WDR93: variants seen among roughly 807,000 people sequenced by gnomAD.
The protein encoded by WDR93 is WD repeat domain 93.
A neutral mutation model predicts 82.9 loss-of-function variants in WDR93; 73 were observed. The ratio of observed to expected loss-of-function variants is 0.88; its 90% CI spans 0.73 to 1.07. The LOEUF (loss-of-function observed/expected upper bound fraction) is 1.07, where lower values mean the gene tolerates loss of function less well. WDR93 is among the 50% of genes least tolerant of loss of function. The probability of loss-of-function intolerance (pLI) is 0.00; values close to 1 mark genes in which losing one functional copy is unlikely to be tolerated. For missense variants in WDR93, 738 were observed against 826.0 expected, an observed-to-expected ratio of 0.89 and a Z score of 1.31; for synonymous variants, 283 against 300.1, an observed-to-expected ratio of 0.94 and a Z score of 0.59.
At chr15:89,720,932 T>C (rs1186426370) in intron 7 of WDR93, among the ~76,000 whole-genome samples, 2 of 146,184 alleles carry the variant, frequency 1.4e-5, no homozygotes, top group Non-Finnish European at 3.0e-5. Flanking sequence ...GTCTCTAAGA[T>C]TGTAGATTTA....
intron 12 of WDR93, among the ~76,000 whole-genome samples, chr15:89,731,898 C>A (rs752899349): frequency 1.3e-5 from 2 of 152,162 alleles, no homozygotes; most frequent in Non-Finnish European, 2.9e-5. Flanking sequence ...GTGGCCTCAG[C>A]CTTCCTCTTC....
upstream of WDR93, chr15:89,690,598 T>C: frequency 1.3e-6 from 2 of 1,551,358 alleles, no homozygotes. Flanking sequence ...GTCCCGGCCC[T>C]GGGTCTGGTT....
rs1596066693 is a variant in WDR93, at chr15:89,699,027, A to T, written c.-40-2680A>T. On this transcript the variant is annotated intron_variant, in intron 1 of 16. Transcript: ENST00000268130. The stretch of plus-strand genomic sequence containing the variant: ...CACATGCCACCACGCCTGGCTAATT[A>T]AAAAAAATTTTTTTTATAGAATAAA... 2.0e-5 allele frequency among the ~76,000 whole-genome samples: 3 copies of T among 152,036 alleles called. No homozygotes were observed. In the South Asian group the frequency reaches 6.2e-4, roughly 32 times the overall value.
chr15:89,736,181 C>T (rs112893821), intron 14 of WDR93, among the ~76,000 whole-genome samples: 6 of 152,120 alleles, frequency 3.9e-5, no homozygotes, highest in African/African-American at 9.7e-5. Context: ...CTCAGTTCGG[C>T]GATGGACTCC....
intron 8 of WDR93, 92 bp downstream of exon 8, chr15:89,722,231 C>A: frequency 1.9e-6 from 2 of 1,041,704 alleles, no homozygotes; most frequent in Non-Finnish European, 2.8e-6. Context: ...TTATTAGCAA[C>A]GATATCAAAA....
rs888486049 is a variant in WDR93, at chr15:89,705,567, C to T, written c.510C>T (p.Leu170=). ...TTTCTGTTTCAGGTATCATTAGACT[C>T]TTTTATTTTTATAAGGAAGGACTTT... ...APVDEMGIIR[L]FYFYKEGLYL... is the part of the protein sequence containing the mutation. The change falls in exon 4 of 17, where the codon CTC becomes CTT. Residue 170 remains leucine, a synonymous_variant. Coordinates refer to ENST00000268130, the MANE Select transcript of WDR93 (RefSeq NM_020212.2). 31 of 1,548,816 alleles carry T rather than the reference C, an allele frequency of 2.0e-5. 1 individual carries two copies. The South Asian group carries it at 3.5e-4, about 17-fold the overall frequency.
At chr15:89,735,469 T>A (rs1324084435) in intron 13 of WDR93, 21 bp from the exon 14 acceptor site, 17 of 1,612,776 alleles carry the variant, frequency 1.1e-5, no homozygotes, top group Non-Finnish European at 1.4e-5. Flanking sequence ...GGAGAATGTC[T>A]GTATATTTTC....
At chr15:89,730,304 G>A (rs1241245129) in intron 11 of WDR93, among the ~76,000 whole-genome samples, 2 of 138,364 alleles carry the variant, frequency 1.4e-5, no homozygotes, top group South Asian at 2.4e-4. Flanking sequence ...CAGCCTGGGT[G>A]ACAGAGCAAG....
Position 89,743,439 on chromosome 15 carries a change from G to A in WDR93, c.*48G>A, listed in dbSNP as rs1967833707. ...CTGAAAAGGAGGTTTCAGCCACGAG[G>A]CAGCTGCTCCCAGGACACTGAGGCC... On this transcript the variant is annotated 3_prime_UTR_variant, in exon 17 of 17. Coordinates refer to ENST00000268130, the MANE Select transcript of WDR93 (RefSeq NM_020212.2). 1 of 1,584,304 alleles carries A rather than the reference G, an allele frequency of 6.3e-7. No individual in the cohort carries two copies.
At chr15:89,740,089 A>AT (rs1006996571) in intron 16 of WDR93, among the ~76,000 whole-genome samples, 5 of 151,954 alleles carry the variant, frequency 3.3e-5, no homozygotes, top group African/African-American at 4.8e-5. Context: ...ATGATGCCTG[A>AT]TTTTTTTTGG....
chr15:89,743,366 T>C lies in WDR93; in HGVS notation c.2036T>C (p.Leu679Pro), dbSNP rs1967828638. The C allele has an allele frequency of 3.1e-6, 5 of 1,614,000 alleles. No individual in the cohort carries two copies. Among genetic ancestry groups the C allele is most frequent in the Non-Finnish European group, 4.2e-6 (5 of 1,179,996 alleles). Residue 679 changes from leucine (L) to proline (P), a missense_variant, in exon 17 of 17, where the codon CTC (leucine) becomes CCC (proline). Physicochemically the swap from Leu to Pro is moderately conservative, Grantham distance 98. Transcript: ENST00000268130. Reference sequence around the variant, plus strand: ...CGGCTTCAGAGGTACTCCTTGTCGCTCCAGAGAGAGAACTTCAAGAAGTGA... The same window carrying C: ...CGGCTTCAGAGGTACTCCTTGTCGCCCCAGAGAGAGAACTTCAAGAAGTGA... ...WARLQRYSLS[L>P]QRENFKK
chr15:89,729,975 T>C (rs1181617938), intron 11 of WDR93, among the ~76,000 whole-genome samples: 1 of 152,150 alleles, frequency 6.6e-6, no homozygotes, highest in Non-Finnish European at 1.5e-5. Context: ...AACAGGTCAA[T>C]AGGGACAAAG....
intron 4 of WDR93, among the ~76,000 whole-genome samples, chr15:89,709,391 T>A (rs1428522427): frequency 6.6e-6 from 1 of 152,102 alleles, no homozygotes. Context: ...GTGCAGCATC[T>A]GGTTTTTAAA....
In WDR93 at chr15:89,743,624, G is replaced by A. The variant is rs890880825; in HGVS notation, c.*233G>A. 5.4e-6 allele frequency: 3 copies of A among 555,464 alleles called. No homozygotes were observed. Among genetic ancestry groups the A allele is most frequent in the Non-Finnish European group, 9.7e-6 (3 of 310,152 alleles). 34.4% of individuals were successfully genotyped at this position (555,464 alleles called of 1,614,324 possible). On this transcript the variant is annotated 3_prime_UTR_variant, in exon 17 of 17. Coordinates refer to ENST00000268130, the MANE Select transcript of WDR93 (RefSeq NM_020212.2). ...CAGATGTGTCACCCAAATAAACAGT[G>A]ATATTGTCTCCAGACTCCCAAGTTG... is the stretch of plus-strand genomic sequence containing the variant.
intron 5 of WDR93, among the ~76,000 whole-genome samples, chr15:89,712,396 CTTT>C (rs1170109589): frequency 0.19 from 15,130 of 79,396 alleles, 412 homozygotes; most frequent in Middle Eastern, 0.26. Flanking sequence ...TTCCACTAAT[CTTT>C]TTTTTTTTTT....
intron 1 of WDR93, among the ~76,000 whole-genome samples, chr15:89,692,176 C>T (rs1242511678): frequency 6.6e-6 from 1 of 152,178 alleles, no homozygotes; most frequent in Non-Finnish European, 1.5e-5. Context: ...CTTTTCAGAT[C>T]GAGGAGTGCT....
At chr15:89,702,325 G>T (rs1965509589) in intron 2 of WDR93, among the ~76,000 whole-genome samples, 1 of 152,174 alleles carries the variant, frequency 6.6e-6, no homozygotes, top group Admixed American at 6.5e-5. Flanking sequence ...TTGCTGGATG[G>T]CTGAGGATCT....
chr15:89,728,037 C>T (rs113159645), intron 9 of WDR93, among the ~76,000 whole-genome samples: 2,834 of 152,070 alleles, frequency 0.019, 105 homozygotes, highest in African/African-American at 0.065. Context: ...GGCGAGATCA[C>T]GCCACTGCAC....
Position 89,743,274 on chromosome 15 carries a change from C to T in WDR93, c.1962-18C>T. 6.2e-7 allele frequency: 1 copy of T among 1,613,594 alleles called. No individual in the cohort carries two copies. Among genetic ancestry groups the T allele is most frequent in the South Asian group, 1.1e-5 (1 of 91,076 alleles). ...AAGTGAGAGGAGATTCCTCTCATCACAGTTGTGTGGCCCTCAGCTATCGGA... is the reference window on the plus strand; with the variant it reads ...AAGTGAGAGGAGATTCCTCTCATCATAGTTGTGTGGCCCTCAGCTATCGGA... On this transcript the variant is annotated intron_variant, in intron 16 of 16. Transcript: ENST00000268130.
Sources: allele counts gnomAD v4.1 joint callset (sites outside exome capture counted in the v4.1 genomes callset), GRCh38; gene constraint gnomAD v4.1.1; transcripts MANE v1.5; gene names NCBI Gene and HGNC (gene_info 2026-07-23, HGNC 2026-07-21).